The following TMEM259 variants were observed in gnomAD, a reference collection of about 807,000 sequenced individuals.
TMEM259 encodes the protein membralin.
Under a neutral mutation model 46.7 loss-of-function variants are expected in TMEM259, and 26 were observed. The ratio of observed to expected loss-of-function variants is 0.56; its 90% confidence interval spans 0.41 to 0.77. The LOEUF is 0.77. TMEM259 is among the 30% of genes least tolerant of loss of function. TMEM259 has a pLI of 0.00. For missense variants in TMEM259, 930 were observed against 900.5 expected (o/e 1.03, Z -0.42); for synonymous variants, 494 against 395.1 (o/e 1.25, Z -2.97).
In TMEM259 at chr19:1,010,674, G is replaced by A. The variant is rs11540362; in HGVS notation, c.1539C>T (p.Pro513=). The part of the protein sequence containing the change: ...GPVSPGASGS[P]GPVAAAPSSL... ...AGCTGGGCGCCGCTGCCACAGGCCC[G>A]GGACTCCCGCTGGCCCCAGGCGAGA... The change falls in exon 11 of 11, where the codon CCC becomes CCT. Residue 513 remains proline (P), a synonymous_variant. Coordinates refer to ENST00000356663, the MANE Select transcript of TMEM259 (RefSeq NM_001033026.2). 31,048 of 1,534,350 alleles carry A rather than the reference G, an allele frequency of 0.02. 553 individuals are homozygous for A. Among genetic ancestry groups the A allele is most frequent in the East Asian group, 0.1 (4,069 of 40,848 alleles).
At chr19:1,015,192 C>T (rs1030127677) in intron 1 of TMEM259, among the ~76,000 whole-genome samples, 1 of 152,242 alleles carries the variant, frequency 6.6e-6, no homozygotes, top group Non-Finnish European at 1.5e-5. Context: ...CTGGGCAGAG[C>T]GCCCCACGGC....
intron 4 of TMEM259, 38 bp downstream of exon 4, chr19:1,012,425 C>T (rs745829742): frequency 2.9e-5 from 45 of 1,545,038 alleles, no homozygotes; most frequent in Middle Eastern, 3.4e-4. Context: ...GGGGAGGCCC[C>T]GCCATGGAGC....
chr19:1,010,356 C>A lies in TMEM259; in HGVS notation c.1857G>T (p.Gly619=). 6.7e-7 allele frequency: 1 copy of A among 1,489,762 alleles called. No homozygotes were observed. Among genetic ancestry groups the A allele is most frequent in the South Asian group, 1.3e-5 (1 of 75,606 alleles). 92.3% of individuals were successfully genotyped at this position (1,489,762 alleles called of 1,614,324 possible). A position where few individuals can be genotyped will look rare whatever the true frequency, so the allele number is the denominator to read the frequency against. ...GGCGGCTCAGCTGTGCGGCTCAGGA[C>A]CCCACCTCCGAGGGCGCCTCCGTTG... The part of the protein sequence containing the change: ...MAPTEAPSEV[G]S The change falls in exon 11 of 11, where the codon GGG becomes GGT. Residue 619 remains glycine, a synonymous_variant. Coordinates refer to ENST00000356663, the MANE Select transcript of TMEM259 (RefSeq NM_001033026.2).
At position 1,011,584 on chromosome 19, in the gene TMEM259, G is replaced by A. The variant is rs774733832; in HGVS notation, c.1080C>T (p.Leu360=). 9.1e-6 allele frequency: 14 copies of A among 1,543,400 alleles called. No homozygotes were observed. The highest frequency in any genetic ancestry group is 1.9e-4 in the Middle Eastern group (1 of 5,318). Residue 360 remains leucine, a synonymous_variant, in exon 8 of 11, where the codon CTC becomes CTT. Coordinates refer to ENST00000356663, the MANE Select transcript of TMEM259 (RefSeq NM_001033026.2). Reference sequence around the variant, plus strand: ...GAGGCCGGGTGGGGTCCTCACCGACGAGGGCCAGGATGACGGTCAGCAGGG... The same window carrying A: ...GAGGCCGGGTGGGGTCCTCACCGACAAGGGCCAGGATGACGGTCAGCAGGG... ...AAPLLTVILA[L]VGMEAIMSEF...
intron 2 of TMEM259, 115 bp from the exon 3 acceptor site, chr19:1,013,455 C>A: frequency 9.4e-7 from 1 of 1,059,718 alleles, no homozygotes; most frequent in Non-Finnish European, 1.4e-6. Flanking sequence ...CTCTGCCCCA[C>A]CACTGACCAG....
chr19:1,011,873 C>G lies in TMEM259; in HGVS notation c.942+19G>C. ...GGCTCCCGCCCGGCCAGCCCCCGCA[C>G]CCGCCCCGAGGCACTCACGAAGATG... is the stretch of plus-strand genomic sequence containing the variant. On this transcript the variant is annotated intron_variant, in intron 6 of 10. Coordinates refer to ENST00000356663, the MANE Select transcript of TMEM259 (RefSeq NM_001033026.2). The G allele has an allele frequency of 6.2e-7, 1 of 1,602,158 alleles. No individual in the cohort carries two copies. The highest frequency in any genetic ancestry group is 8.5e-7 in the Non-Finnish European group (1 of 1,173,230).
At chr19:1,013,137 T>C in intron 3 of TMEM259, 104 bp downstream of exon 3, 1 of 1,034,646 alleles carries the variant, frequency 9.7e-7, no homozygotes, top group East Asian at 2.4e-5. Flanking sequence ...GTCCAGGACA[T>C]GCAGCCAGCA....
rs565575474 is a variant in TMEM259, at chr19:1,015,173, C to A, written c.226-700G>T. Among the ~76,000 whole-genome samples, 207 of 152,352 alleles carry A rather than the reference C, an allele frequency of 1.4e-3. 1 individual carries two copies. The highest frequency in any genetic ancestry group is 4.6e-3 in the African/African-American group (192 of 41,560). On this transcript the variant is annotated intron_variant, in intron 1 of 10. Transcript: ENST00000356663. Reference sequence around the variant, plus strand: ...CCGCAGCTGCTGGGGACACAGTGGACCTCCGTGGCTGGGCAGAGCGCCCCA... The same window carrying A: ...CCGCAGCTGCTGGGGACACAGTGGAACTCCGTGGCTGGGCAGAGCGCCCCA...
At position 1,020,507 on chromosome 19, in the gene TMEM259, G is replaced by A. The variant is rs1352942122; in HGVS notation, c.225+265C>T. Among the ~76,000 whole-genome samples the A allele has an allele frequency of 6.6e-6, 1 of 152,128 alleles. No homozygotes were observed. Among genetic ancestry groups the A allele is most frequent in the Non-Finnish European group, 1.5e-5 (1 of 68,022 alleles). On this transcript the variant is annotated intron_variant, in intron 1 of 10. Transcript: ENST00000356663. This position sits in a 1 kb window ranked among gnomAD's most constrained non-coding sequence, Gnocchi z 4.0. ...CTGACAGTGAGGTTTCCAGAGTAGA[G>A]AACAGCGGCTTCTAGTGCAGCGGGA...
chr19:1,010,339 A>T lies in TMEM259; in HGVS notation c.*11T>A. On this transcript the variant is annotated 3_prime_UTR_variant, in exon 11 of 11. Coordinates refer to ENST00000356663, the MANE Select transcript of TMEM259 (RefSeq NM_001033026.2). ...AGCCAGCAGGGGTCAGAGGCGGCTCAGCTGTGCGGCTCAGGACCCCACCTC... is the reference window on the plus strand; with the variant it reads ...AGCCAGCAGGGGTCAGAGGCGGCTCTGCTGTGCGGCTCAGGACCCCACCTC... 6.8e-7 allele frequency: 1 copy of T among 1,469,818 alleles called. No homozygotes were observed. The highest frequency in any genetic ancestry group is 8.9e-7 in the Non-Finnish European group (1 of 1,120,042). The allele number at this position is 1,469,818 out of a possible 1,614,324, so 91.0% of individuals were successfully genotyped here.
rs577805750 is a variant in TMEM259 at position 1,017,243 on chromosome 19, G to C, written c.226-2770C>G. The stretch of plus-strand genomic sequence containing the variant: ...CTGAGCCACACGCCCAGGCAGCCTC[G>C]TCCACGCCCACAGTAACCCTCCCCA... On this transcript the variant is annotated intron_variant, in intron 1 of 10. Transcript: ENST00000356663. 5.1e-4 allele frequency: 205 copies of C among 399,870 alleles called. 1 individual carries two copies. The highest frequency in any genetic ancestry group is 6.4e-4 in the Non-Finnish European group (145 of 226,922). 24.8% of individuals were successfully genotyped at this position (399,870 alleles called of 1,614,324 possible).
chr19:1,012,602 G>C, intron 3 of TMEM259, 29 bp from the exon 4 acceptor site: 2 of 1,549,900 alleles, frequency 1.3e-6, no homozygotes, highest in Non-Finnish European at 1.7e-6. Flanking sequence ...GACCAGGTCA[G>C]CGCCCCCACA....
At chr19:1,013,368 A>G in intron 2 of TMEM259, 28 bp from the exon 3 acceptor site, 2 of 1,610,754 alleles carry the variant, frequency 1.2e-6, no homozygotes, top group Non-Finnish European at 1.7e-6. Flanking sequence ...CCTGGGTGTC[A>G]GCAGCGCCAG....
Position 1,010,718 on chromosome 19 carries a change from G to C in TMEM259, c.1495C>G (p.Pro499Ala). 1 of 1,528,802 alleles carries C rather than the reference G, an allele frequency of 6.5e-7. No homozygotes were observed. The highest frequency in any genetic ancestry group is 8.7e-7 in the Non-Finnish European group (1 of 1,143,992). The allele number at this position is 1,528,802 out of a possible 1,614,324, so 94.7% of individuals were successfully genotyped here. Reference protein sequence around the residue: ...PATAPDSAGQPPALGPVSPGA... With the variant: ...PATAPDSAGQAPALGPVSPGA... ...GGCGAGACGGGGCCCAGGGCGGGGG[G>C]CTGGCCGGCAGAGTCAGGGGCTGTA... is the stretch of plus-strand genomic sequence containing the variant. The change falls in exon 11 of 11, where the codon CCC (proline) becomes GCC (alanine). Residue 499 changes from proline to alanine, a missense_variant. Pro to Ala is a conservative substitution (Grantham distance 27). Coordinates refer to ENST00000356663, the MANE Select transcript of TMEM259 (RefSeq NM_001033026.2).
In TMEM259 at chr19:1,014,199, G is replaced by A. The variant is rs201846479; in HGVS notation, c.500C>T (p.Ser167Phe). 10 of 1,605,144 alleles carry A rather than the reference G, an allele frequency of 6.2e-6. No homozygotes were observed. The highest frequency in any genetic ancestry group is 1.3e-5 in the African/African-American group (1 of 74,928). ...AGCCCAGGCCTGGCTCACCTTGATG[G>A]AGCTGTTCCCAAACATCTCCATGGT... ...ELTMEMFGNS[S>F]IKFELDIEPK... is the part of the protein sequence containing the mutation. The change falls in exon 2 of 11, where the codon TCC (serine) becomes TTC (phenylalanine). Residue 167 changes from serine (S) to phenylalanine (F), a missense_variant. Ser to Phe is a radical substitution (Grantham distance 155). Coordinates refer to ENST00000356663, the MANE Select transcript of TMEM259 (RefSeq NM_001033026.2).
chr19:1,017,346 T>G (rs1240698688), intron 1 of TMEM259: 1 of 399,258 alleles, frequency 2.5e-6, no homozygotes, highest in Non-Finnish European at 4.4e-6. Context: ...TCGCATGCCC[T>G]GGGTGGTCCA....
chr19:1,014,280 A>G lies in TMEM259; in HGVS notation c.419T>C (p.Leu140Pro), dbSNP rs1214397960. The G allele has an allele frequency of 1.9e-6, 3 of 1,612,826 alleles. No homozygotes were observed. The African/African-American group carries it at 4.0e-5, about 22-fold the overall frequency. The part of the protein sequence containing the change: ...DSGGRGSFPG[L>P]AVEPGSNLDM... ...CAGGTTGCTGCCTGGTTCCACGGCC[A>G]GGCCCGGGAAGCTCCCGCGGCCGCC... Residue 140 changes from leucine to proline, a missense_variant, in exon 2 of 11, where the codon CTG becomes CCG. Physicochemically the swap from Leu to Pro is moderately conservative, Grantham distance 98. Transcript: ENST00000356663.
Position 1,010,651 on chromosome 19 carries a change from C to T in TMEM259, c.1562G>A (p.Ser521Asn). 1.3e-6 allele frequency: 2 copies of T among 1,538,572 alleles called. No individual in the cohort carries two copies. The change falls in exon 11 of 11, where the codon AGC becomes AAC. Residue 521 changes from serine to asparagine, a missense_variant. By Grantham distance (46) the Ser-to-Asn change is conservative. Coordinates refer to ENST00000356663, the MANE Select transcript of TMEM259 (RefSeq NM_001033026.2). ...GSPGPVAAAP[S>N]SLVAAAASVA... ...TGAGGCTGCCGCGGCCACCAGGGAG[C>T]TGGGCGCCGCTGCCACAGGCCCGGG...
In TMEM259 at chr19:1,011,432, C is replaced by T. The variant is rs933389937; in HGVS notation, c.1152G>A (p.Val384=). 1 of 1,570,798 alleles carries T rather than the reference C, an allele frequency of 6.4e-7. No individual in the cohort carries two copies. Among genetic ancestry groups the T allele is most frequent in the Non-Finnish European group, 8.6e-7 (1 of 1,158,816 alleles). Residue 384 remains valine, a synonymous_variant, in exon 9 of 11, where the codon GTG becomes GTA. Coordinates refer to ENST00000356663, the MANE Select transcript of TMEM259 (RefSeq NM_001033026.2). ...TTTAFYIILI[V]WLADQYDAIC... is the part of the protein sequence containing the mutation. ...TGGCGTCATACTGGTCCGCGAGCCACACGATGAGGATGATGTAGAAGGCGG... is the reference window on the plus strand; with the variant it reads ...TGGCGTCATACTGGTCCGCGAGCCATACGATGAGGATGATGTAGAAGGCGG...
Sources: allele counts gnomAD v4.1 joint callset (sites outside exome capture counted in the v4.1 genomes callset), GRCh38; gene constraint gnomAD v4.1.1; non-coding constraint Gnocchi (gnomAD v3.1); transcripts MANE v1.5; gene names NCBI Gene and HGNC (gene_info 2026-07-23, HGNC 2026-07-21).